The following TUSC3 variants were observed in gnomAD, a reference collection of about 807,000 sequenced individuals.
The protein encoded by TUSC3 is dolichyl-diphosphooligosaccharide--protein glycosyltransferase subunit TUSC3.
In TUSC3, 45 loss-of-function variants were observed where a neutral mutation model predicts 44.8. The observed-to-expected ratio is 1.00, with a 90% CI of 0.79 to 1.29. The LOEUF is 1.29. Among genes scored for constraint, TUSC3 ranks in the 50% most tolerant of loss-of-function variants. The pLI is 0.00. For synonymous variants in TUSC3, 212 were observed against 152.9 expected (o/e 1.39, Z -2.85); for missense variants, 519 against 437.9 (o/e 1.19, Z -1.65).
At chr8:15,426,429 T>G (rs1223543735) in intron 1 of TUSC3, among the ~76,000 whole-genome samples, 1 of 152,082 alleles carries the variant, frequency 6.6e-6, no homozygotes, top group Non-Finnish European at 1.5e-5. Flanking sequence ...ATTGTATTCT[T>G]TATTGTATTC....
At chr8:15,821,378 AT>A in the TUSC3 span, among the ~76,000 whole-genome samples, 1 of 46,280 alleles carries the variant, frequency 2.2e-5, no homozygotes, top group African/African-American at 6.4e-5. Context: ...TTTTTTTTGG[AT>A]TGGGGAGTAG....
chr8:15,851,100 C>T, the TUSC3 span, among the ~76,000 whole-genome samples: 1 of 152,178 alleles, frequency 6.6e-6, no homozygotes, highest in African/African-American at 2.4e-5. Context: ...AAGGTAACAC[C>T]TTAATGGGAG....
Position 15,463,317 on chromosome 8 carries a change from A to G in TUSC3, n.92-20069A>G, listed in dbSNP as rs183181059. Among the ~76,000 whole-genome samples, 5 of 152,294 alleles carry G rather than the reference A, an allele frequency of 3.3e-5. No homozygotes were observed. In the East Asian group the frequency reaches 9.6e-4, roughly 29 times the overall value. ...CTAGGCTAAATTAGAGGAGTCCGTC[A>G]TCACTATGAATCACATCATAAATTA... is the stretch of plus-strand genomic sequence containing the variant. On this transcript the variant is annotated intron_variant and non_coding_transcript_variant, in intron 1 of 5. Transcript: ENST00000503191.
chr8:15,533,569 C>G (rs1801479310), intron 2 of TUSC3, among the ~76,000 whole-genome samples: 1 of 152,108 alleles, frequency 6.6e-6, no homozygotes, highest in Non-Finnish European at 1.5e-5. Context: ...AGGTATGTAG[C>G]TTTTTATCTT....
chr8:15,782,113 C>G, the TUSC3 span, among the ~76,000 whole-genome samples: 2 of 152,044 alleles, frequency 1.3e-5, no homozygotes, highest in Non-Finnish European at 1.5e-5. Context: ...CCAGCCTGGG[C>G]GACAGAGCAA....
At chr8:15,493,783 G>A (rs186552919) in intron 2 of TUSC3, among the ~76,000 whole-genome samples, 1 of 152,134 alleles carries the variant, frequency 6.6e-6, no homozygotes, top group African/African-American at 2.4e-5. Context: ...CTTACATTAA[G>A]TGTACGTCTG....
intron 1 of TUSC3, among the ~76,000 whole-genome samples, chr8:15,591,984 C>A (rs1803861312): frequency 6.6e-6 from 1 of 152,096 alleles, no homozygotes; most frequent in South Asian, 2.1e-4. Flanking sequence ...ATGGGGAAAG[C>A]CTTCAGGAGG....
intron 1 of TUSC3, among the ~76,000 whole-genome samples, chr8:15,423,445 C>T (rs924612730): frequency 3.3e-5 from 5 of 152,186 alleles, no homozygotes; most frequent in African/African-American, 1.2e-4. Context: ...GTCGTAAGTT[C>T]AGCCTCTTTG....
At chr8:15,636,446 G>A (rs1446236337) in intron 2 of TUSC3, among the ~76,000 whole-genome samples, 3 of 152,156 alleles carry the variant, frequency 2.0e-5, no homozygotes, top group African/African-American at 7.2e-5. Context: ...TTAGTCATCA[G>A]ATCCAAGTAG....
At chr8:15,733,595 A>G (rs1315355305) in intron 7 of TUSC3, 2 of 217,228 alleles carry the variant, frequency 9.2e-6, no homozygotes, top group Non-Finnish European at 1.9e-5. Context: ...ATGTTTTCAT[A>G]TAGATCTTAG....
chr8:15,823,202 A>C, the TUSC3 span, among the ~76,000 whole-genome samples: 1 of 152,200 alleles, frequency 6.6e-6, no homozygotes, highest in South Asian at 2.1e-4. Flanking sequence ...AGCTCTGTCA[A>C]CAGAATGAGT....
the TUSC3 span, among the ~76,000 whole-genome samples, chr8:15,788,191 C>T: frequency 6.6e-6 from 1 of 152,138 alleles, no homozygotes; most frequent in Non-Finnish European, 1.5e-5. Flanking sequence ...ACCTTGACCA[C>T]TAATTAAACT....
chr8:15,555,171 C>A (rs1182681722), intron 1 of TUSC3, among the ~76,000 whole-genome samples: 1 of 97,128 alleles, frequency 1.0e-5, no homozygotes, highest in Non-Finnish European at 1.9e-5. Flanking sequence ...TTGGGGGGGA[C>A]GAGATCTTAC....
chr8:15,806,452 G>T, the TUSC3 span: 10 of 817,346 alleles, frequency 1.2e-5, no homozygotes, highest in Non-Finnish European at 1.7e-5. Context: ...CACACATGTT[G>T]TCTTGACTTC....
At chr8:15,529,948 G>A (rs112113392) in intron 2 of TUSC3, among the ~76,000 whole-genome samples, 1 of 5,334 alleles carries the variant, frequency 1.9e-4, no homozygotes, top group Non-Finnish European at 7.4e-4. Flanking sequence ...CAGGCGCCCG[G>A]CTAATTTTTT....
intron 1 of TUSC3, among the ~76,000 whole-genome samples, chr8:15,441,591 G>C (rs138069530): frequency 1.3e-3 from 199 of 152,260 alleles, no homozygotes; most frequent in African/African-American, 4.5e-3. Flanking sequence ...GCTATGCTGA[G>C]AATTAACAAA....
chr8:15,696,606 C>G (rs1205207504), intron 6 of TUSC3, among the ~76,000 whole-genome samples: 1 of 152,142 alleles, frequency 6.6e-6, no homozygotes, highest in Non-Finnish European at 1.5e-5. Context: ...ACACTGTGTG[C>G]CTGGATCCCT....
intron 2 of TUSC3, among the ~76,000 whole-genome samples, chr8:15,646,709 A>G (rs1002817321): frequency 6.6e-6 from 1 of 152,120 alleles, no homozygotes; most frequent in African/African-American, 2.4e-5. Flanking sequence ...CCTTGCACTC[A>G]TCTGATTTGC....
chr8:15,841,414 T>G, the TUSC3 span, among the ~76,000 whole-genome samples: 1 of 152,216 alleles, frequency 6.6e-6, no homozygotes, highest in African/African-American at 2.4e-5. Flanking sequence ...GTACATTTTA[T>G]TCTAATATAA....
Sources: allele counts gnomAD v4.1 joint callset (sites outside exome capture counted in the v4.1 genomes callset), GRCh38; gene constraint gnomAD v4.1.1; transcripts MANE v1.5; gene names NCBI Gene and HGNC (gene_info 2026-07-23, HGNC 2026-07-21).